The following BBX variants were observed in gnomAD, a reference collection of about 807,000 sequenced individuals.
BBX encodes HMG box transcription factor BBX.
A neutral mutation model predicts 100.2 loss-of-function variants in BBX; 30 were observed. The observed-to-expected ratio is 0.30, with a 90% CI of 0.22 to 0.41. The LOEUF is 0.41. Among genes scored for constraint, BBX ranks in the 10% least tolerant of loss-of-function variants. The pLI is 1.00. For missense variants in BBX, 1,023 were observed against 1,129.8 expected (o/e 0.91, Z 1.35); for synonymous variants, 376 against 388.1 (o/e 0.97, Z 0.37).
At chr3:107,752,370 G>T (rs1043884653) in intron 9 of BBX, among the ~76,000 whole-genome samples, 2 of 152,094 alleles carry the variant, frequency 1.3e-5, no homozygotes, top group East Asian at 3.8e-4. Flanking sequence ...GATGTATTTT[G>T]TGTTTTATTG....
intron 3 of BBX, among the ~76,000 whole-genome samples, chr3:107,670,748 T>G (rs1018659400): frequency 1.3e-5 from 2 of 152,088 alleles, no homozygotes; most frequent in African/African-American, 4.8e-5. Flanking sequence ...GGAAGCTTAT[T>G]TTTTAATGAG....
At position 107,530,132 on chromosome 3, in the gene BBX, C is replaced by T. The variant is rs1310844946; in HGVS notation, c.-84+3734C>T. Among the ~76,000 whole-genome samples the T allele has an allele frequency of 9.9e-5, 15 of 152,190 alleles. 1 individual carries two copies. Among genetic ancestry groups the T allele is most frequent in the Admixed American group, 9.8e-4 (15 of 15,286 alleles). Reference sequence around the variant, plus strand: ...ACAGGCTAGGTTTGGTGGCTCACACCTGTAATCCCAGCACTTCGGGAGGCG... The same window carrying T: ...ACAGGCTAGGTTTGGTGGCTCACACTTGTAATCCCAGCACTTCGGGAGGCG... On this transcript the variant is annotated intron_variant, in intron 2 of 17. Transcript: ENST00000325805.
rs560069337 is a variant in BBX at position 107,806,318 on chromosome 3, T to C, written c.*861T>C. On this transcript the variant is annotated 3_prime_UTR_variant, in exon 18 of 18. Coordinates refer to ENST00000325805, the MANE Select transcript of BBX (RefSeq NM_001142568.3). ...TTTTATTTTTACATAGGGGTCTAAGTGACCAATGGATTGTTCATACAAACA... is the reference window on the plus strand; with the variant it reads ...TTTTATTTTTACATAGGGGTCTAAGCGACCAATGGATTGTTCATACAAACA... 1.3e-5 allele frequency: 2 copies of C among 152,262 alleles called. No individual in the cohort carries two copies. The highest frequency in any genetic ancestry group is 3.9e-4 in the East Asian group (2 of 5,188). The allele number at this position is 152,262 out of a possible 1,614,324, so 9.4% of individuals were successfully genotyped here. A position where few individuals can be genotyped will look rare whatever the true frequency, so the allele number is the denominator to read the frequency against.
chr3:107,752,368 T>A (rs59916103), intron 9 of BBX, among the ~76,000 whole-genome samples: 2,653 of 152,328 alleles, frequency 0.017, 74 homozygotes, highest in African/African-American at 0.06. Flanking sequence ...TGGATGTATT[T>A]TGTGTTTTAT....
intron 2 of BBX, among the ~76,000 whole-genome samples, chr3:107,544,973 G>T (rs998070978): frequency 6.6e-6 from 1 of 151,540 alleles, no homozygotes; most frequent in Non-Finnish European, 1.5e-5. Flanking sequence ...GCCGAGATCC[G>T]CCATTGTACT....
At chr3:107,749,705 C>G (rs1296817418) in intron 9 of BBX, among the ~76,000 whole-genome samples, 1 of 151,316 alleles carries the variant, frequency 6.6e-6, no homozygotes, top group Non-Finnish European at 1.5e-5. Flanking sequence ...GCAATCTCGG[C>G]TCACTGCAAC....
intron 3 of BBX, among the ~76,000 whole-genome samples, chr3:107,646,976 T>C (rs1447294901): frequency 6.6e-6 from 1 of 152,168 alleles, no homozygotes; most frequent in African/African-American, 2.4e-5. Flanking sequence ...TATGATTTAC[T>C]TGAATGTGTA....
chr3:107,783,108 A>G (rs1559721947), intron 13 of BBX, among the ~76,000 whole-genome samples: 1 of 152,068 alleles, frequency 6.6e-6, no homozygotes, highest in Non-Finnish European at 1.5e-5. Context: ...TTTTGACTTT[A>G]TTTTCTGTAG....
At chr3:107,531,211 C>T (rs1875461) in intron 2 of BBX, among the ~76,000 whole-genome samples, 17,921 of 152,144 alleles carry the variant, frequency 0.12, 1,405 homozygotes, top group Middle Eastern at 0.19. Context: ...GTATTTCAGT[C>T]AGTATGTTTG....
At chr3:107,616,352 AGG>A (rs953224665) in intron 2 of BBX, among the ~76,000 whole-genome samples, 3 of 152,116 alleles carry the variant, frequency 2.0e-5, no homozygotes, top group Admixed American at 1.3e-4. Flanking sequence ...ATTTTGGAAA[AGG>A]GTTACTCAGC....
intron 5 of BBX, among the ~76,000 whole-genome samples, chr3:107,724,817 A>C (rs2062802236): frequency 6.6e-6 from 1 of 152,136 alleles, no homozygotes; most frequent in African/African-American, 2.4e-5. Context: ...GTAGCCTTGT[A>C]GTATAGTTTG....
At chr3:107,801,352 A>T in intron 17 of BBX, 71 bp downstream of exon 17, 1 of 1,521,958 alleles carries the variant, frequency 6.6e-7, no homozygotes, top group Non-Finnish European at 8.9e-7. Flanking sequence ...GATTTGTGAC[A>T]TTTTTTACAG....
chr3:107,543,998 C>A (rs554613578), intron 2 of BBX, among the ~76,000 whole-genome samples: 15 of 152,250 alleles, frequency 9.9e-5, no homozygotes. Flanking sequence ...TGTATGCAGG[C>A]TAAACATTAG....
chr3:107,589,456 CTA>C (rs2053131296), intron 2 of BBX, among the ~76,000 whole-genome samples: 1 of 152,158 alleles, frequency 6.6e-6, no homozygotes. Context: ...CCAGATTACC[CTA>C]TTGATCAAGT....
chr3:107,769,638 G>A (rs1009215681), intron 10 of BBX, among the ~76,000 whole-genome samples: 1 of 151,470 alleles, frequency 6.6e-6, no homozygotes, highest in South Asian at 2.1e-4. Flanking sequence ...GTCTGTCTTC[G>A]AGTATCGTAT....
intron 2 of BBX, among the ~76,000 whole-genome samples, chr3:107,558,596 G>A (rs2050251988): frequency 6.6e-6 from 1 of 152,172 alleles, no homozygotes; most frequent in Admixed American, 6.5e-5. Context: ...TAATTTCCCA[G>A]ATTCTTTGGG....
intron 2 of BBX, among the ~76,000 whole-genome samples, chr3:107,543,420 A>G (rs1416056284): frequency 6.6e-6 from 1 of 152,184 alleles, no homozygotes; most frequent in Non-Finnish European, 1.5e-5. Context: ...ATTTGTTTTT[A>G]TTGTTTATAA....
intron 3 of BBX, among the ~76,000 whole-genome samples, chr3:107,695,413 T>C (rs2060515569): frequency 7.3e-6 from 1 of 136,540 alleles, no homozygotes; most frequent in South Asian, 2.5e-4. Flanking sequence ...TCTCATTGGT[T>C]TCAAAGAACA....
chr3:107,626,942 G>A (rs1278989367), intron 2 of BBX, among the ~76,000 whole-genome samples: 1 of 152,016 alleles, frequency 6.6e-6, no homozygotes, highest in Middle Eastern at 3.2e-3. Flanking sequence ...GTGAGCCACC[G>A]CACCTGGCCT....
Sources: allele counts gnomAD v4.1 joint callset (sites outside exome capture counted in the v4.1 genomes callset), GRCh38; gene constraint gnomAD v4.1.1; transcripts MANE v1.5; gene names NCBI Gene and HGNC (gene_info 2026-07-23, HGNC 2026-07-21).